MORN1: variants seen among roughly 807,000 people sequenced by gnomAD.
The protein encoded by MORN1 is MORN repeat containing 1, also known as MORN repeat-containing protein 1.
MORN1 carries 67 observed loss-of-function variants against 61.9 expected under a neutral mutation model. The observed-to-expected ratio is 1.08, with a 90% CI of 0.89 to 1.33. The LOEUF (loss-of-function observed/expected upper bound fraction) is 1.33. Among genes scored for constraint, MORN1 ranks in the 40% most tolerant of loss-of-function variants. The pLI is 0.00. For missense variants in MORN1, 752 were observed against 691.2 expected (o/e 1.09, Z -0.99); for synonymous variants, 301 against 292.0 (o/e 1.03, Z -0.31).
chr1:2,338,030 G>C (rs983601645), intron 10 of MORN1, among the ~76,000 whole-genome samples: 1 of 152,166 alleles, frequency 6.6e-6, no homozygotes, highest in East Asian at 1.9e-4. Context: ...TTTGAGGCCA[G>C]AGCCCAGGAG....
chr1:2,374,468 G>A lies in MORN1; in HGVS notation c.627C>T (p.His209=), dbSNP rs1450644390. ...GAAGGCAGGGACACCTACCTGCTGG[G>A]TGGCCATTGATCCACAACCCATAAT... The part of the protein sequence containing the change: ...VTYYGLWING[H]PAEQATRIVI... Residue 209 remains histidine, a synonymous_variant, in exon 7 of 14, where the codon CAC becomes CAT. Coordinates refer to ENST00000378531, the MANE Select transcript of MORN1 (RefSeq NM_024848.3). The A allele has an allele frequency of 6.3e-6, 10 of 1,592,520 alleles. No homozygotes were observed. In the Admixed American group the frequency reaches 1.6e-4, roughly 26 times the overall value.
chr1:2,388,122 T>C (rs1173731694), intron 3 of MORN1, 117 bp downstream of exon 3: 6 of 797,250 alleles, frequency 7.5e-6, no homozygotes, highest in Non-Finnish European at 1.2e-5. Flanking sequence ...GCCAGGCCTC[T>C]CACGGCACAA....
chr1:2,354,633 G>T (rs1641720118), intron 10 of MORN1, among the ~76,000 whole-genome samples: 1 of 152,050 alleles, frequency 6.6e-6, no homozygotes, highest in Non-Finnish European at 1.5e-5. Context: ...GACTGCACCA[G>T]ACCCCAGGCC....
At chr1:2,333,589 G>C (rs1406380234) in intron 12 of MORN1, among the ~76,000 whole-genome samples, 4 of 152,212 alleles carry the variant, frequency 2.6e-5, no homozygotes, top group Admixed American at 6.5e-5. Flanking sequence ...GGGTGCTAGC[G>C]GCAGGATCCT....
At chr1:2,322,496 G>A in intron 13 of MORN1, 1 of 985,394 alleles carries the variant, frequency 1.0e-6, no homozygotes, top group Non-Finnish European at 1.2e-6. Context: ...TCCCAGGGCT[G>A]GACAAGAGCA....
At chr1:2,323,921 C>T in intron 13 of MORN1, 176 bp downstream of exon 13, 1 of 985,088 alleles carries the variant, frequency 1.0e-6, no homozygotes, top group Non-Finnish European at 1.2e-6. Flanking sequence ...CCACCAGCCC[C>T]CTTCCCATTC....
Position 2,372,182 on chromosome 1 carries a change from A to C in MORN1, c.745+299T>G, listed in dbSNP as rs1024958802. 4 of 298,108 alleles carry C rather than the reference A, an allele frequency of 1.3e-5. No individual in the cohort carries two copies. The highest frequency in any genetic ancestry group is 7.9e-5 in the South Asian group (2 of 25,450). 18.5% of individuals were successfully genotyped at this position (298,108 alleles called of 1,614,324 possible). On this transcript the variant is annotated intron_variant, in intron 8 of 13. Transcript: ENST00000378531. The surrounding 1 kb of genome is among the most constrained non-coding windows in gnomAD (Gnocchi z 5.4). ...GACACACGTGCACGCGTGCCCCCCCACACGTATACACATTCAGACCTGTGC... is the reference window on the plus strand; with the variant it reads ...GACACACGTGCACGCGTGCCCCCCCCCACGTATACACATTCAGACCTGTGC...
chr1:2,346,170 G>A (rs1322044043), intron 10 of MORN1, among the ~76,000 whole-genome samples: 1 of 151,542 alleles, frequency 6.6e-6, no homozygotes, highest in African/African-American at 2.4e-5. Flanking sequence ...CTCAGACAAA[G>A]CCACCAGGGA....
intron 11 of MORN1, 80 bp downstream of exon 11, chr1:2,336,637 G>T: frequency 6.3e-7 from 1 of 1,581,534 alleles, no homozygotes; most frequent in Non-Finnish European, 8.6e-7. Flanking sequence ...GGCACACATG[G>T]CCTGGGTGTT....
At chr1:2,332,254 C>T (rs1641174208) in intron 12 of MORN1, 1 of 227,156 alleles carries the variant, frequency 4.4e-6, no homozygotes, top group Non-Finnish European at 8.8e-6. Context: ...GAGAGGAGCT[C>T]CTGTTGTGCA....
At chr1:2,326,537 G>A (rs1255210989) in intron 12 of MORN1, 1 of 152,262 alleles carries the variant, frequency 6.6e-6, no homozygotes, top group Non-Finnish European at 1.5e-5. Context: ...TGTCCACAGG[G>A]ACCGCACATG....
chr1:2,335,917 G>A (rs1380933121), intron 12 of MORN1, among the ~76,000 whole-genome samples: 1 of 150,136 alleles, frequency 6.7e-6, no homozygotes, highest in Non-Finnish European at 1.5e-5. Flanking sequence ...TCCGAGCCCC[G>A]AGCCCCAGCT....
At chr1:2,341,966 G>T (rs1379070617) in intron 10 of MORN1, among the ~76,000 whole-genome samples, 1 of 152,262 alleles carries the variant, frequency 6.6e-6, no homozygotes, top group African/African-American at 2.4e-5. Context: ...GTGATGGAGA[G>T]TGAGGGTCCC....
chr1:2,379,366 G>T (rs548717172), intron 6 of MORN1: 4 of 356,082 alleles, frequency 1.1e-5, no homozygotes, highest in Middle Eastern at 1.9e-3. Flanking sequence ...GCCGGCGCTG[G>T]TTGGGGTGTG....
intron 10 of MORN1, chr1:2,351,457 C>A (rs938015322): frequency 6.0e-6 from 1 of 166,444 alleles, no homozygotes; most frequent in Non-Finnish European, 1.3e-5. Flanking sequence ...GGTGCACTTG[C>A]GGGGGCCCAG....
At chr1:2,327,543 A>C (rs1420726525) in intron 12 of MORN1, among the ~76,000 whole-genome samples, 1 of 152,200 alleles carries the variant, frequency 6.6e-6, no homozygotes, top group African/African-American at 2.4e-5. Context: ...GAAACACAGA[A>C]ACACACAGAA....
chr1:2,348,729 ACG>A (rs759296557), intron 10 of MORN1, among the ~76,000 whole-genome samples: 1,703 of 137,222 alleles, frequency 0.012, 35 homozygotes, highest in East Asian at 0.017. Flanking sequence ...GGGCACGCAC[ACG>A]CACACCTGCG....
At chr1:2,362,033 A>C (rs1314993710) in intron 8 of MORN1, among the ~76,000 whole-genome samples, 1 of 152,194 alleles carries the variant, frequency 6.6e-6, no homozygotes, top group African/African-American at 2.4e-5. Flanking sequence ...GGAGTTTGAG[A>C]CCGCCCTGGC....
chr1:2,332,354 C>T, intron 12 of MORN1: 1 of 341,808 alleles, frequency 2.9e-6, no homozygotes, highest in South Asian at 2.3e-5. Context: ...TGAGCATAGC[C>T]CGGCCACCCT....
Sources: allele counts gnomAD v4.1 joint callset (sites outside exome capture counted in the v4.1 genomes callset), GRCh38; gene constraint gnomAD v4.1.1; non-coding constraint Gnocchi (gnomAD v3.1); transcripts MANE v1.5; gene names NCBI Gene and HGNC (gene_info 2026-07-23, HGNC 2026-07-21).